Variants in MRPL34 observed in about 807,000 individuals in gnomAD.
The protein encoded by MRPL34 is large ribosomal subunit protein bL34m.
MRPL34 carries 8 observed loss-of-function variants against 6.7 expected under a neutral mutation model. The ratio of observed to expected loss-of-function variants is 1.20; its 90% CI spans 0.70 to 2.16. The LOEUF is 2.16. MRPL34 is among the 30% of genes most tolerant of loss of function. The probability of loss-of-function intolerance (pLI) is 0.00; values close to 1 mark genes in which losing one functional copy is unlikely to be tolerated. For missense variants in MRPL34, 146 were observed against 125.5 expected (o/e 1.16, Z -0.78); for synonymous variants, 59 against 55.1 (o/e 1.07, Z -0.31).
chr19:17,306,051 C>G (rs1844657271), intron 1 of MRPL34, 94 bp downstream of exon 1: 3 of 1,551,780 alleles, frequency 1.9e-6, no homozygotes, highest in Non-Finnish European at 2.7e-6. Flanking sequence ...CCTGCCAGTG[C>G]CTTGCGCATT....
upstream of MRPL34, among the ~76,000 whole-genome samples, chr19:17,300,097 G>T (rs1396876293): frequency 6.6e-6 from 1 of 151,300 alleles, no homozygotes; most frequent in Admixed American, 6.6e-5. Context: ...GTAGAGACAG[G>T]GTTTCACCGT....
upstream of MRPL34, chr19:17,301,637 A>G (rs1286358514): frequency 6.6e-7 from 1 of 1,521,278 alleles, no homozygotes; most frequent in African/African-American, 1.4e-5. Flanking sequence ...GTGAGTGAGG[A>G]CAGCAGCCAG....
At chr19:17,305,581 A>G (rs1480252493), upstream of MRPL34, 5 of 377,072 alleles carry the variant, frequency 1.3e-5, no homozygotes, top group South Asian at 2.3e-5. Flanking sequence ...CTGCCGGTCA[A>G]TAGGAGAGAG....
chr19:17,306,109 C>G (rs2074146043), intron 1 of MRPL34, 57 bp from the exon 2 acceptor site: 2 of 1,490,536 alleles, frequency 1.3e-6, no homozygotes, highest in Non-Finnish European at 1.8e-6. Context: ...AGAGGTTGAG[C>G]GCCAAGGTCA....
upstream of MRPL34, among the ~76,000 whole-genome samples, chr19:17,303,962 GC>G (rs371005346): frequency 8.5e-5 from 12 of 141,944 alleles, no homozygotes; most frequent in South Asian, 9.0e-4. Context: ...TCCCCCCTAC[GC>G]CCCCCCCTTT....
At chr19:17,301,212 G>A (rs1001048620), upstream of MRPL34, 48 of 1,594,366 alleles carry the variant, frequency 3.0e-5, no homozygotes, top group Non-Finnish European at 3.8e-5. Flanking sequence ...CGCTGCCTGC[G>A]CTGCCGGGGG....
chr19:17,292,904 G>T, intron 1 of MRPL34: 2 of 1,500,958 alleles, frequency 1.3e-6, no homozygotes, highest in Non-Finnish European at 1.8e-6. Flanking sequence ...CTGGGACTCC[G>T]CCATACACAC....
intron 1 of MRPL34, among the ~76,000 whole-genome samples, chr19:17,293,043 A>G (rs2074077940): frequency 6.6e-6 from 1 of 151,406 alleles, no homozygotes; most frequent in Admixed American, 6.6e-5. Flanking sequence ...TCCAGCATTT[A>G]TTAAGTGTCT....
chr19:17,296,737 C>T (rs1189378807), intron 1 of MRPL34: 4 of 151,306 alleles, frequency 2.6e-5, no homozygotes, highest in African/African-American at 9.7e-5. Flanking sequence ...CTCTGTTGCC[C>T]ACGCTGGAGC....
upstream of MRPL34, chr19:17,305,772 C>A: frequency 1.0e-6 from 1 of 996,950 alleles, no homozygotes; most frequent in Non-Finnish European, 1.5e-6. Flanking sequence ...GGGTTTTCCC[C>A]AACGGCCTCT....
chr19:17,292,715 G>C (rs1428276435), exon 1 of MRPL34: 1 of 1,613,538 alleles, frequency 6.2e-7, no homozygotes, highest in Admixed American at 1.7e-5. Context: ...CCTTGGGCGA[G>C]GGCTCGGGCT....
At chr19:17,303,065 C>G (rs1041997261), upstream of MRPL34, 2 of 152,262 alleles carry the variant, frequency 1.3e-5, no homozygotes, top group Non-Finnish European at 2.9e-5. Flanking sequence ...ACCCCAGCCC[C>G]GCTTCCCCGC....
intron 1 of MRPL34, among the ~76,000 whole-genome samples, chr19:17,295,307 A>G (rs1205807713): frequency 6.6e-6 from 1 of 151,816 alleles, no homozygotes. Context: ...GGGTTTCACC[A>G]TGTTGGTCGG....
chr19:17,306,294 G>T lies in MRPL34; in HGVS notation c.194G>T (p.Gly65Val). ...PSNIKRKNKH[G>V]WVRRLSTPAG... is the part of the protein sequence containing the mutation. ...AACATCAAACGCAAGAACAAGCACGGCTGGGTCCGGCGCCTGAGCACGCCG... is the reference window on the plus strand; with the variant it reads ...AACATCAAACGCAAGAACAAGCACGTCTGGGTCCGGCGCCTGAGCACGCCG... Residue 65 changes from glycine to valine, a missense_variant, in exon 2 of 2, where the codon GGC becomes GTC. Coordinates refer to ENST00000252602, the MANE Select transcript of MRPL34 (RefSeq NM_023937.4). 3.1e-6 allele frequency: 5 copies of T among 1,610,172 alleles called. No homozygotes were observed. The highest frequency in any genetic ancestry group is 1.3e-5 in the African/African-American group (1 of 74,994).
upstream of MRPL34, among the ~76,000 whole-genome samples, chr19:17,304,124 C>T (rs894488681): frequency 3.3e-5 from 5 of 152,220 alleles, no homozygotes; most frequent in African/African-American, 1.2e-4. Flanking sequence ...CAAGGAAAGT[C>T]TTGGAGCTGT....
chr19:17,294,864 G>T (rs1267963797), intron 1 of MRPL34: 2 of 1,608,522 alleles, frequency 1.2e-6, no homozygotes, highest in Non-Finnish European at 1.7e-6. Context: ...AACGGGTGGG[G>T]TGATAGGAGG....
intron 1 of MRPL34, among the ~76,000 whole-genome samples, chr19:17,293,887 G>A (rs1275802070): frequency 6.6e-6 from 1 of 151,918 alleles, no homozygotes; most frequent in Non-Finnish European, 1.5e-5. Context: ...AAGTGCTAAG[G>A]ATCCCCAGAC....
chr19:17,300,620 G>GGC (rs1347602727), upstream of MRPL34, among the ~76,000 whole-genome samples: 1 of 152,198 alleles, frequency 6.6e-6, no homozygotes, highest in Non-Finnish European at 1.5e-5. Flanking sequence ...TGGGACTACA[G>GGC]GCGCGTGCCA....
upstream of MRPL34, among the ~76,000 whole-genome samples, chr19:17,299,286 G>A (rs1233519845): frequency 6.7e-6 from 1 of 148,550 alleles, no homozygotes; most frequent in Non-Finnish European, 1.5e-5. Flanking sequence ...AATTGGCCTG[G>A]TGCGTTGGCT....
Sources: allele counts gnomAD v4.1 joint callset (sites outside exome capture counted in the v4.1 genomes callset), GRCh38; gene constraint gnomAD v4.1.1; transcripts MANE v1.5; gene names NCBI Gene and HGNC (gene_info 2026-07-23, HGNC 2026-07-21).